Variants in ZNF574 observed in about 807,000 individuals in gnomAD.
The protein encoded by ZNF574 is zinc finger protein 574.
In ZNF574, 25 loss-of-function variants were observed where a neutral mutation model predicts 56.6. The observed-to-expected ratio is 0.44, with a 90% CI of 0.32 to 0.62. The LOEUF is 0.62. Among genes scored for constraint, ZNF574 ranks in the 20% least tolerant of loss-of-function variants. The pLI is 0.04. For synonymous variants in ZNF574, 543 were observed against 492.1 expected (o/e 1.10, Z -1.37); for missense variants, 1,065 against 1,218.9 (o/e 0.87, Z 1.88).
chr19:42,074,456 TAAATA>T (rs58694360), upstream of ZNF574, among the ~76,000 whole-genome samples: 16,282 of 145,914 alleles, frequency 0.11, 1,019 homozygotes, highest in African/African-American at 0.16. Flanking sequence ...CTCTGTCTCA[TAAATA>T]AAATAAAATA....
rs377316662 is a variant in ZNF574 at position 42,078,649 on chromosome 19, C to T, written c.43C>T (p.Arg15Cys). The change falls in exon 2 of 2, where the codon CGC (arginine) becomes TGC (cysteine). Residue 15 changes from arginine to cysteine, a missense_variant. Transcript: ENST00000359044. ...GGAGACAGTCCTGTACATTGAGCAC[C>T]GCTATGTCTGCTCTGAGTGCAACCA... ...SEETVLYIEH[R>C]YVCSECNQLY... is the part of the protein sequence containing the mutation. 3.1e-6 allele frequency: 5 copies of T among 1,613,918 alleles called. No individual in the cohort carries two copies. Among genetic ancestry groups the T allele is most frequent in the Non-Finnish European group, 4.2e-6 (5 of 1,179,972 alleles).
At chr19:42,077,249 T>A (rs2076462524) in intron 1 of ZNF574, among the ~76,000 whole-genome samples, 1 of 151,852 alleles carries the variant, frequency 6.6e-6, no homozygotes, top group South Asian at 2.1e-4. Flanking sequence ...AGGTTCTGTA[T>A]GAGAATAGGA....
chr19:42,068,646 G>C, exon 1 of ZNF574: 2 of 429,646 alleles, frequency 4.7e-6, no homozygotes, highest in Non-Finnish European at 8.3e-6. Context: ...ACCTGCCGAG[G>C]GAGACTTGGA....
upstream of ZNF574, chr19:42,074,645 A>G (rs905784290): frequency 6.6e-6 from 1 of 152,132 alleles, no homozygotes. Context: ...CCCTAGAACC[A>G]GGATTCCAAT....
Position 42,080,332 on chromosome 19 carries a change from C to T in ZNF574, c.1726C>T (p.His576Tyr). 6.2e-7 allele frequency: 1 copy of T among 1,614,206 alleles called. No homozygotes were observed. ...GCAGCACCGCTTGGTGCATGCCCAGCACTTCCCCTACCGCTGCCAGGAATG... is the reference window on the plus strand; with the variant it reads ...GCAGCACCGCTTGGTGCATGCCCAGTACTTCCCCTACCGCTGCCAGGAATG... ...LRQHRLVHAQ[H>Y]FPYRCQECGV... Residue 576 changes from histidine (H) to tyrosine (Y), a missense_variant, in exon 2 of 2, where the codon CAC becomes TAC. By Grantham distance (83) the His-to-Tyr change is moderately conservative. Transcript: ENST00000359044. This position sits in a 1 kb window ranked among gnomAD's most constrained non-coding sequence, Gnocchi z 8.5.
rs767418135 is a variant in ZNF574 at position 42,080,015 on chromosome 19, T to C, written c.1409T>C (p.Leu470Pro). Reference sequence around the variant, plus strand: ...GCCCCAGGCACCTACCGCTGCCTCCTGTGCAGCCGTGAATTTGGAAAGGCC... The same window carrying C: ...GCCCCAGGCACCTACCGCTGCCTCCCGTGCAGCCGTGAATTTGGAAAGGCC... ...PAAPGTYRCL[L>P]CSREFGKALQ... is the part of the protein sequence containing the mutation. The change falls in exon 2 of 2, where the codon CTG becomes CCG. Residue 470 changes from leucine (L) to proline (P), a missense_variant. Physicochemically the swap from Leu to Pro is moderately conservative, Grantham distance 98 (BLOSUM62 -3). Coordinates refer to ENST00000359044, the MANE Select transcript of ZNF574 (RefSeq NM_022752.6). The surrounding 1 kb of genome is among the most constrained non-coding windows in gnomAD (Gnocchi z 8.5). 3 of 1,614,014 alleles carry C rather than the reference T, an allele frequency of 1.9e-6. No homozygotes were observed. Among genetic ancestry groups the C allele is most frequent in the Non-Finnish European group, 1.7e-6 (2 of 1,180,012 alleles).
intron 1 of ZNF574, among the ~76,000 whole-genome samples, chr19:42,069,851 G>A (rs1283814413): frequency 6.6e-6 from 1 of 152,132 alleles, no homozygotes; most frequent in Non-Finnish European, 1.5e-5. Flanking sequence ...GCTGGGGGCG[G>A]GGAGAGCCCG....
intron 1 of ZNF574, chr19:42,069,118 T>TG (rs2076386583): frequency 4.7e-6 from 2 of 422,468 alleles, no homozygotes; most frequent in African/African-American, 2.0e-5. Context: ...AGGCCCCTAG[T>TG]GGGGGAGGGT....
chr19:42,078,553 C>T, intron 1 of ZNF574, 34 bp from the exon 2 acceptor site: 2 of 1,563,838 alleles, frequency 1.3e-6, no homozygotes, highest in South Asian at 2.3e-5. Context: ...AATCGGTGAC[C>T]TAACTGGTTT....
chr19:42,072,774 C>T (rs923148692), upstream of ZNF574, among the ~76,000 whole-genome samples: 1 of 152,192 alleles, frequency 6.6e-6, no homozygotes, highest in African/African-American at 2.4e-5. Context: ...CCATGTTGGT[C>T]AGGCTGGTCT....
chr19:42,071,948 G>C (rs1261884559), upstream of ZNF574, among the ~76,000 whole-genome samples: 1 of 151,540 alleles, frequency 6.6e-6, no homozygotes, highest in Non-Finnish European at 1.5e-5. Context: ...AGGTTGCTGT[G>C]AGCCATGATC....
At position 42,078,367 on chromosome 19, in the gene ZNF574, T is replaced by A. The variant is rs371907337; in HGVS notation, c.-20-220T>A. ...ATGCAAGTTGATACAGAGGTGAGAC[T>A]GTGGGTAAATTCCTGGGGAAGGGAC... On this transcript the variant is annotated intron_variant, in intron 1 of 1. Transcript: ENST00000359044. Among the ~76,000 whole-genome samples, 38 of 152,208 alleles carry A rather than the reference T, an allele frequency of 2.5e-4. No individual in the cohort carries two copies. In the East Asian group the frequency reaches 5.0e-3, roughly 20 times the overall value.
chr19:42,068,655 G>A (rs909583057), exon 1 of ZNF574: 6 of 430,310 alleles, frequency 1.4e-5, no homozygotes, highest in African/African-American at 1.0e-4. Flanking sequence ...GGGAGACTTG[G>A]AAAGAGGGAA....
At chr19:42,076,078 C>A (rs2076452770), upstream of ZNF574, 1 of 152,422 alleles carries the variant, frequency 6.6e-6, no homozygotes, top group East Asian at 1.9e-4. Flanking sequence ...CGGCAGGGCC[C>A]GAGCGGGCAA....
rs773102212 is a variant in ZNF574, at chr19:42,080,325, T to C, written c.1719T>C (p.His573=). ...CACTGAGGCAGCACCGCTTGGTGCATGCCCAGCACTTCCCCTACCGCTGCC... is the reference window on the plus strand; with the variant it reads ...CACTGAGGCAGCACCGCTTGGTGCACGCCCAGCACTTCCCCTACCGCTGCC... The part of the protein sequence containing the change: ...SSTLRQHRLV[H]AQHFPYRCQE... The change falls in exon 2 of 2, where the codon CAT becomes CAC. Residue 573 remains histidine (H), a synonymous_variant. Transcript: ENST00000359044. The surrounding 1 kb of genome is among the most constrained non-coding windows in gnomAD (Gnocchi z 8.5). 2.5e-6 allele frequency: 4 copies of C among 1,614,120 alleles called. No individual in the cohort carries two copies. The South Asian group carries it at 3.3e-5, about 13-fold the overall frequency.
Position 42,079,499 on chromosome 19 carries a change from G to A in ZNF574, c.893G>A (p.Ser298Asn), listed in dbSNP as rs147524818. The change falls in exon 2 of 2, where the codon AGT (serine) becomes AAT (asparagine). Residue 298 changes from serine (S) to asparagine (N), a missense_variant. Coordinates refer to ENST00000359044, the MANE Select transcript of ZNF574 (RefSeq NM_022752.6). This position sits in a 1 kb window ranked among gnomAD's most constrained non-coding sequence, Gnocchi z 4.3. ...GGGCGCAGGGCCCGGAGGAACAACA[G>A]TGGAGAAGCAGGCGGGGCAGCCACA... is the stretch of plus-strand genomic sequence containing the variant. ...RRGRRARRNN[S>N]GEAGGAATQE... is the part of the protein sequence containing the mutation. The A allele has an allele frequency of 1.1e-5, 17 of 1,613,798 alleles. No individual in the cohort carries two copies. The African/African-American group carries it at 2.0e-4, about 19-fold the overall frequency.
intron 1 of ZNF574, 81 bp from the exon 2 acceptor site, chr19:42,078,506 T>C: frequency 2.0e-6 from 2 of 981,584 alleles, no homozygotes; most frequent in South Asian, 4.9e-5. Flanking sequence ...AGATCTAAGG[T>C]ATTAGGAGTG....
upstream of ZNF574, chr19:42,075,049 A>T (rs1216423908): frequency 1.3e-5 from 2 of 151,296 alleles, no homozygotes; most frequent in East Asian, 1.9e-4. Context: ...ACGCCCAGCT[A>T]ATGTTTTGTA....
In ZNF574 at chr19:42,079,348, G is replaced by T. The variant is rs148497147; in HGVS notation, c.742G>T (p.Ala248Ser). ...PAPVPESQEP[A>S]LQQEVQASSP... ...TCCTGTACCCGAGTCTCAGGAGCCT[G>T]CCTTACAGCAGGAGGTGCAGGCCTC... Residue 248 changes from alanine to serine, a missense_variant, in exon 2 of 2, where the codon GCC (alanine) becomes TCC (serine). Ala to Ser is a moderately conservative substitution (Grantham distance 99, BLOSUM62 1). Transcript: ENST00000359044. This position sits in a 1 kb window ranked among gnomAD's most constrained non-coding sequence, Gnocchi z 4.3. The T allele has an allele frequency of 2.0e-4, 316 of 1,613,450 alleles. 5 individuals are homozygous for T. The East Asian group carries it at 7.0e-3, about 36-fold the overall frequency.
Sources: allele counts gnomAD v4.1 joint callset (sites outside exome capture counted in the v4.1 genomes callset), GRCh38; gene constraint gnomAD v4.1.1; non-coding constraint Gnocchi (gnomAD v3.1); transcripts MANE v1.5; gene names NCBI Gene and HGNC (gene_info 2026-07-23, HGNC 2026-07-21).